Variants in CDKAL1 observed in about 807,000 individuals in gnomAD.
The protein encoded by CDKAL1 is CDKAL1 threonylcarbamoyladenosine tRNA methylthiotransferase.
A neutral mutation model predicts 68.2 loss-of-function variants in CDKAL1; 32 were observed. The observed-to-expected ratio is 0.47, with a 90% CI of 0.35 to 0.63. The LOEUF is 0.63. CDKAL1 is among the 30% of genes least tolerant of loss of function. The pLI is 0.00. For missense variants in CDKAL1, 606 were observed against 696.7 expected, an observed-to-expected ratio of 0.87 and a Z score of 1.47; for synonymous variants, 234 against 244.3, an observed-to-expected ratio of 0.96 and a Z score of 0.39.
At chr6:21,137,649 C>T (rs1010291125) in intron 13 of CDKAL1, among the ~76,000 whole-genome samples, 1 of 151,890 alleles carries the variant, frequency 6.6e-6, no homozygotes, top group Non-Finnish European at 1.5e-5. Context: ...TCTATATTAA[C>T]GAGTCTATTC....
At chr6:20,737,871 C>CT (rs767412858) in intron 5 of CDKAL1, among the ~76,000 whole-genome samples, 42 of 152,256 alleles carry the variant, frequency 2.8e-4, no homozygotes, top group Non-Finnish European at 5.0e-4. Context: ...ATTTTGTACT[C>CT]TGTCTATTCA....
chr6:20,757,839 CT>C (rs1049146130), intron 6 of CDKAL1, among the ~76,000 whole-genome samples: 1 of 151,920 alleles, frequency 6.6e-6, no homozygotes, highest in African/African-American at 2.4e-5. Context: ...TTGACTTATT[CT>C]TTTTTTAGCT....
chr6:20,627,978 T>G (rs142519134), intron 4 of CDKAL1, among the ~76,000 whole-genome samples: 53 of 152,282 alleles, frequency 3.5e-4, no homozygotes, highest in African/African-American at 1.2e-3. Context: ...CTAGGAGTTT[T>G]TTGTTGTTGT....
At chr6:20,724,809 G>C (rs1772568226) in intron 5 of CDKAL1, among the ~76,000 whole-genome samples, 1 of 152,146 alleles carries the variant, frequency 6.6e-6, no homozygotes, top group African/African-American at 2.4e-5. Flanking sequence ...CTAGAAATAA[G>C]CCCAAGTATG....
chr6:21,046,085 A>C (rs1020510386), intron 11 of CDKAL1, among the ~76,000 whole-genome samples: 3 of 152,188 alleles, frequency 2.0e-5, no homozygotes, highest in African/African-American at 7.2e-5. Flanking sequence ...CTGTAAACTG[A>C]GGAAAATATT....
intron 4 of CDKAL1, among the ~76,000 whole-genome samples, chr6:20,561,293 T>C (rs1196353421): frequency 6.6e-6 from 1 of 151,750 alleles, no homozygotes; most frequent in Non-Finnish European, 1.5e-5. Context: ...AATAAAAAAA[T>C]TAGCTGGGCT....
intron 13 of CDKAL1, among the ~76,000 whole-genome samples, chr6:21,118,471 G>A (rs1393456625): frequency 6.6e-6 from 1 of 152,166 alleles, no homozygotes; most frequent in Non-Finnish European, 1.5e-5. Context: ...CAGATTCAGG[G>A]TTGCACAAAA....
At chr6:20,980,252 T>C (rs1375924740) in intron 10 of CDKAL1, among the ~76,000 whole-genome samples, 4 of 151,866 alleles carry the variant, frequency 2.6e-5, no homozygotes, top group African/African-American at 9.7e-5. Flanking sequence ...TATAGATTTT[T>C]TTTGAGACGC....
At chr6:20,809,653 G>A (rs1357842228) in intron 8 of CDKAL1, among the ~76,000 whole-genome samples, 1 of 151,910 alleles carries the variant, frequency 6.6e-6, no homozygotes, top group African/African-American at 2.4e-5. Context: ...GTAAATATTT[G>A]TTCCATTGAA....
Position 20,958,454 on chromosome 6 carries a change from G to A in CDKAL1, c.909+2869G>A, listed in dbSNP as rs73735035. ...TTCCCAGTGTCAAAACGGGCAGTAG[G>A]GAAGGGAGCCCAAATCTGGTGCTCC... On this transcript the variant is annotated intron_variant, in intron 10 of 15. Transcript: ENST00000274695. Among the ~76,000 whole-genome samples the A allele has an allele frequency of 1.7e-3, 259 of 152,266 alleles. 1 individual carries two copies. The highest frequency in any genetic ancestry group is 6.0e-3 in the African/African-American group (251 of 41,542).
intron 12 of CDKAL1, among the ~76,000 whole-genome samples, chr6:21,068,763 G>T (rs914805805): frequency 6.6e-6 from 1 of 152,074 alleles, no homozygotes; most frequent in Non-Finnish European, 1.5e-5. Flanking sequence ...CTGGAATTTT[G>T]ATTAAGATCA....
At chr6:20,621,932 A>G (rs1767213163) in intron 4 of CDKAL1, among the ~76,000 whole-genome samples, 1 of 152,018 alleles carries the variant, frequency 6.6e-6, no homozygotes, top group African/African-American at 2.4e-5. Flanking sequence ...GGGTGTGCTT[A>G]TTACTGAGGT....
At chr6:20,584,475 C>A (rs1191278150) in intron 4 of CDKAL1, among the ~76,000 whole-genome samples, 1 of 152,128 alleles carries the variant, frequency 6.6e-6, no homozygotes, top group Non-Finnish European at 1.5e-5. Context: ...ACACAACCCT[C>A]CTGCCCCATC....
chr6:20,584,503 G>T lies in CDKAL1; in HGVS notation c.286+35798G>T, dbSNP rs114949875. Among the ~76,000 whole-genome samples the T allele has an allele frequency of 3.1e-3, 472 of 152,266 alleles. 3 individuals are homozygous for T. Among genetic ancestry groups the T allele is most frequent in the African/African-American group, 0.011 (443 of 41,544 alleles). On this transcript the variant is annotated intron_variant, in intron 4 of 15. Transcript: ENST00000274695. ...GCCCCATCCGTGAGCAGTCCAGTGT[G>T]GGGAGAGGAAGGAAGGTGGGATGTG...
intron 14 of CDKAL1, chr6:21,200,848 C>T (rs1741090689): frequency 3.6e-6 from 1 of 279,918 alleles, no homozygotes; most frequent in African/African-American, 2.2e-5. Flanking sequence ...GATCCCAGAA[C>T]AGAAAAATGA....
intron 5 of CDKAL1, among the ~76,000 whole-genome samples, chr6:20,650,215 C>T (rs928631036): frequency 3.3e-5 from 5 of 152,148 alleles, no homozygotes; most frequent in South Asian, 2.1e-4. Context: ...TCCACAGCCT[C>T]GCCAGCATCT....
At position 20,703,696 on chromosome 6, in the gene CDKAL1, AT is replaced by A. The variant is rs1387060358; in HGVS notation, c.372-35822del. Among the ~76,000 whole-genome samples, 6 of 152,186 alleles carry A rather than the reference AT, an allele frequency of 3.9e-5. No individual in the cohort carries two copies. The South Asian group carries it at 1.2e-3, about 31-fold the overall frequency. ...GAAGGTTATAATAGTTAACAGGAAA[AT>A]ATGACATAAATAGTAAAAACATGAT... On this transcript the variant is annotated intron_variant, in intron 5 of 15. Transcript: ENST00000274695.
intron 2 of CDKAL1, among the ~76,000 whole-genome samples, chr6:20,540,218 C>A (rs976625087): frequency 1.3e-5 from 2 of 151,212 alleles, no homozygotes; most frequent in Non-Finnish European, 2.9e-5. Context: ...GGGTTACAGG[C>A]GCTCGCCACT....
intron 10 of CDKAL1, among the ~76,000 whole-genome samples, chr6:20,963,378 G>A (rs1043213236): frequency 6.6e-6 from 1 of 150,876 alleles, no homozygotes; most frequent in African/African-American, 2.4e-5. Flanking sequence ...GATACTACTT[G>A]CTTGTGCCCT....
Sources: allele counts gnomAD v4.1 joint callset (sites outside exome capture counted in the v4.1 genomes callset), GRCh38; gene constraint gnomAD v4.1.1; transcripts MANE v1.5; gene names NCBI Gene and HGNC (gene_info 2026-07-23, HGNC 2026-07-21).